Variants in CD38 observed in about 807,000 individuals in gnomAD.
The protein encoded by CD38 is CD38 molecule.
A neutral mutation model predicts 36.3 loss-of-function variants in CD38; 31 were observed. That is an observed-to-expected ratio of 0.85 (90% CI 0.64 to 1.15). CD38 has a LOEUF of 1.15. CD38 is among the 50% of genes most tolerant of loss of function. CD38 has a pLI of 0.00. For missense variants in CD38, 380 were observed against 371.9 expected (o/e 1.02, Z -0.18); for synonymous variants, 131 against 135.2 (o/e 0.97, Z 0.22).
At chr4:15,806,936 A>G (rs879650228) in intron 1 of CD38, among the ~76,000 whole-genome samples, 1 of 152,218 alleles carries the variant, frequency 6.6e-6, no homozygotes, top group East Asian at 1.9e-4. Flanking sequence ...TTGGCCAAGC[A>G]TAAACACTGA....
chr4:15,778,488 G>C lies in CD38; in HGVS notation c.74G>C (p.Cys25Ser), dbSNP rs561829761. Residue 25 changes from cysteine (C) to serine (S), a missense_variant, in exon 1 of 8, where the codon TGT (cysteine) becomes TCT (serine). Transcript: ENST00000226279. This position sits in a 1 kb window ranked among gnomAD's most constrained non-coding sequence, Gnocchi z 4.9. ...CCRLSRRAQLCLGVSILVLIL... is the reference protein window; with the variant it reads ...CCRLSRRAQLSLGVSILVLIL... ...CGGCTCTCTAGGAGAGCCCAACTCT[G>C]TCTTGGCGTCAGTATCCTGGTCCTG... 2 of 1,613,938 alleles carry C rather than the reference G, an allele frequency of 1.2e-6. No homozygotes were observed. The highest frequency in any genetic ancestry group is 2.2e-5 in the East Asian group (1 of 44,844).
At chr4:15,832,747 C>G (rs367865667) in intron 3 of CD38, among the ~76,000 whole-genome samples, 12 of 152,150 alleles carry the variant, frequency 7.9e-5, no homozygotes, top group African/African-American at 2.9e-4. Flanking sequence ...TATATTTGCT[C>G]AAGGCTCTGG....
At chr4:15,797,590 G>T (rs909406644) in intron 1 of CD38, among the ~76,000 whole-genome samples, 1 of 152,130 alleles carries the variant, frequency 6.6e-6, no homozygotes. Context: ...AAGCCGGGTG[G>T]CTTCAACAAT....
At chr4:15,807,431 T>A (rs1560311819) in intron 1 of CD38, among the ~76,000 whole-genome samples, 1 of 152,182 alleles carries the variant, frequency 6.6e-6, no homozygotes, top group Non-Finnish European at 1.5e-5. Context: ...TGGTCTATCA[T>A]GGTGATAGGC....
intron 1 of CD38, among the ~76,000 whole-genome samples, chr4:15,787,870 T>C (rs1393543283): frequency 6.6e-6 from 1 of 152,174 alleles, no homozygotes; most frequent in Non-Finnish European, 1.5e-5. Context: ...TGTGGGTAAT[T>C]AACATTGTTG....
In CD38 at chr4:15,792,523, A is replaced by C. The variant is rs147091147; in HGVS notation, c.233+13876A>C. On this transcript the variant is annotated intron_variant, in intron 1 of 7. Coordinates refer to ENST00000226279, the MANE Select transcript of CD38 (RefSeq NM_001775.4). Reference sequence around the variant, plus strand: ...GTGTGTTTGGAATGTTCTCTTATGGAAAATTTCAAAGATATGTAAAACTAG... The same window carrying C: ...GTGTGTTTGGAATGTTCTCTTATGGCAAATTTCAAAGATATGTAAAACTAG... Among the ~76,000 whole-genome samples, 4 of 152,142 alleles carry C rather than the reference A, an allele frequency of 2.6e-5. No homozygotes were observed. In the East Asian group the frequency reaches 7.7e-4, roughly 29 times the overall value.
At chr4:15,848,442 C>G (rs1273944046) in intron 7 of CD38, 97 bp from the exon 8 acceptor site, 2 of 810,824 alleles carry the variant, frequency 2.5e-6, no homozygotes, top group African/African-American at 3.4e-5. Context: ...GTCTGTGCAC[C>G]TTGTCGTCGC....
chr4:15,795,701 T>G (rs1723091568), intron 1 of CD38, among the ~76,000 whole-genome samples: 1 of 152,154 alleles, frequency 6.6e-6, no homozygotes, highest in African/African-American at 2.4e-5. Flanking sequence ...AATTAATTTT[T>G]TTTCTATTAT....
rs142062239 is a variant in CD38 at position 15,786,756 on chromosome 4, G to T, written c.233+8109G>T. 2.0e-5 allele frequency among the ~76,000 whole-genome samples: 3 copies of T among 152,380 alleles called. No homozygotes were observed. The East Asian group carries it at 5.8e-4, about 29-fold the overall frequency. On this transcript the variant is annotated intron_variant, in intron 1 of 7. Coordinates refer to ENST00000226279, the MANE Select transcript of CD38 (RefSeq NM_001775.4). ...CCGCACTCCTCAGCCCTTGGACGGT[G>T]GATGGGACGCCAGGGAGCAGGGCGC... is the stretch of plus-strand genomic sequence containing the variant.
At chr4:15,823,453 C>T (rs1193007166) in intron 2 of CD38, among the ~76,000 whole-genome samples, 1 of 152,010 alleles carries the variant, frequency 6.6e-6, no homozygotes, top group Non-Finnish European at 1.5e-5. Flanking sequence ...CCAGAATTTA[C>T]AAAGAACTTA....
intron 4 of CD38, among the ~76,000 whole-genome samples, chr4:15,837,157 T>C (rs930050764): frequency 2.6e-5 from 4 of 152,194 alleles, no homozygotes; most frequent in Non-Finnish European, 4.4e-5. Context: ...ATTTTATATG[T>C]ATCAAGAACC....
In CD38 at chr4:15,840,459, T is replaced by C. The variant is rs1207370260; in HGVS notation, c.760T>C (p.Cys254Arg). Residue 254 changes from cysteine to arginine, a missense_variant, in exon 7 of 8, where the codon TGC (cysteine) becomes CGC (arginine). By Grantham distance (180) the Cys-to-Arg change is radical. Coordinates refer to ENST00000226279, the MANE Select transcript of CD38 (RefSeq NM_001775.4). ...HGGREDSRDL[C>R]QDPTIKELES... ...TTCTTCTTTCTTCCCCAGAGACTTA[T>C]GCCAGGATCCCACCATAAAAGAGCT... 12 of 1,595,310 alleles carry C rather than the reference T, an allele frequency of 7.5e-6. No homozygotes were observed. Among genetic ancestry groups the C allele is most frequent in the Non-Finnish European group, 1.0e-5 (12 of 1,165,822 alleles).
chr4:15,824,674 G>C (rs1185894633), intron 2 of CD38, among the ~76,000 whole-genome samples: 1 of 136,462 alleles, frequency 7.3e-6, no homozygotes, highest in Non-Finnish European at 1.5e-5. Flanking sequence ...TTTACATTGT[G>C]ACCTAGAACA....
At chr4:15,815,017 G>C (rs565189125) in intron 1 of CD38, among the ~76,000 whole-genome samples, 3 of 152,178 alleles carry the variant, frequency 2.0e-5, no homozygotes, top group South Asian at 4.2e-4. Context: ...ATGTTGGTCA[G>C]GCTTGTCTCG....
chr4:15,833,736 T>G (rs988956788), intron 3 of CD38, among the ~76,000 whole-genome samples: 1 of 152,216 alleles, frequency 6.6e-6, no homozygotes, highest in East Asian at 1.9e-4. Context: ...TGTACTTCAC[T>G]CAGGGTTAAG....
At chr4:15,787,558 C>A (rs1462203916) in intron 1 of CD38, among the ~76,000 whole-genome samples, 1 of 152,178 alleles carries the variant, frequency 6.6e-6, no homozygotes, top group Non-Finnish European at 1.5e-5. Flanking sequence ...GGGTCACTGG[C>A]CTCCTTTTAG....
intron 2 of CD38, among the ~76,000 whole-genome samples, chr4:15,816,908 A>G (rs908619312): frequency 1.3e-5 from 2 of 152,214 alleles, no homozygotes; most frequent in African/African-American, 4.8e-5. Flanking sequence ...GAAAAAACCT[A>G]ACACCAAACC....
At chr4:15,826,149 A>G (rs1176441177) in intron 3 of CD38, 2 of 152,210 alleles carry the variant, frequency 1.3e-5, no homozygotes, top group Non-Finnish European at 2.9e-5. Flanking sequence ...ACAGAAATGC[A>G]TAAAAGCAAA....
At chr4:15,826,645 C>A (rs191050302) in intron 3 of CD38, among the ~76,000 whole-genome samples, 200 of 152,134 alleles carry the variant, frequency 1.3e-3, no homozygotes, top group Non-Finnish European at 1.8e-3. Flanking sequence ...GTGGCTCATA[C>A]CTGCAATCCC....
Sources: allele counts gnomAD v4.1 joint callset (sites outside exome capture counted in the v4.1 genomes callset), GRCh38; gene constraint gnomAD v4.1.1; non-coding constraint Gnocchi (gnomAD v3.1); transcripts MANE v1.5; gene names NCBI Gene and HGNC (gene_info 2026-07-23, HGNC 2026-07-21).